Variants in CNTN1 observed in about 807,000 individuals in gnomAD.
CNTN1 encodes the protein contactin-1.
In CNTN1, 38 loss-of-function variants were observed where a neutral mutation model predicts 126.4. The ratio of observed to expected loss-of-function variants is 0.30; its 90% CI spans 0.23 to 0.39. The LOEUF (loss-of-function observed/expected upper bound fraction) is 0.39. Ranked by LOEUF, CNTN1 falls within the 10% of genes least tolerant of loss-of-function variation. The pLI, the probability that CNTN1 is intolerant of heterozygous loss-of-function variation, is 1.00. For missense variants in CNTN1, 1,009 were observed against 1,248.4 expected, an observed-to-expected ratio of 0.81 and a Z score of 2.89; for synonymous variants, 413 against 422.6, an observed-to-expected ratio of 0.98 and a Z score of 0.28.
intron 1 of CNTN1, among the ~76,000 whole-genome samples, chr12:40,845,988 A>G (rs1011614625): frequency 6.6e-6 from 1 of 152,264 alleles, no homozygotes; most frequent in Non-Finnish European, 1.5e-5. Flanking sequence ...TGTGAATTAC[A>G]TAGTGACTTT....
chr12:40,906,679 G>GTTTTTTTTTTTTTT (rs1294983594), intron 1 of CNTN1, among the ~76,000 whole-genome samples: 2 of 116,116 alleles, frequency 1.7e-5, no homozygotes, highest in African/African-American at 3.3e-5. Context: ...CTTTTTTTTT[G>GTTTTTTTTTTTTTT]TTTTGTTTTT....
At chr12:40,693,734 G>A (rs1326303153) in intron 1 of CNTN1, among the ~76,000 whole-genome samples, 2 of 152,186 alleles carry the variant, frequency 1.3e-5, no homozygotes, top group South Asian at 2.1e-4. Flanking sequence ...CCCTGCTGCT[G>A]AGCCGGCTGC....
Position 40,719,036 on chromosome 12 carries a change from C to T in CNTN1, c.-77+26444C>T, listed in dbSNP as rs554560708. On this transcript the variant is annotated intron_variant, in intron 1 of 23. Transcript: ENST00000551295. ...TTTAACAGAGGCTATTTGAGATCAG[C>T]ATTATTTGGTTACCTGCATGTTATT... Among the ~76,000 whole-genome samples the T allele has an allele frequency of 8.5e-5, 13 of 152,084 alleles. No homozygotes were observed. The South Asian group carries it at 2.3e-3, about 27-fold the overall frequency.
At chr12:40,839,580 T>C (rs1248755943) in intron 1 of CNTN1, among the ~76,000 whole-genome samples, 1 of 152,180 alleles carries the variant, frequency 6.6e-6, no homozygotes, top group Non-Finnish European at 1.5e-5. Flanking sequence ...AAAAGCAGAT[T>C]TGTCAGTTGA....
At chr12:40,738,478 G>A (rs907210244) in intron 1 of CNTN1, among the ~76,000 whole-genome samples, 2 of 152,026 alleles carry the variant, frequency 1.3e-5, no homozygotes, top group Non-Finnish European at 2.9e-5. Flanking sequence ...ATTACAGAAA[G>A]CAAAAGGGAA....
intron 1 of CNTN1, among the ~76,000 whole-genome samples, chr12:40,771,412 T>C (rs1445911565): frequency 6.6e-6 from 1 of 152,080 alleles, no homozygotes; most frequent in African/African-American, 2.4e-5. Flanking sequence ...ATAAAGTCAA[T>C]GTCTAGTGTT....
In CNTN1 at chr12:41,007,047, T is replaced by G. The variant is rs1189050332; in HGVS notation, c.2114-7181T>G. 4.7e-4 allele frequency among the ~76,000 whole-genome samples: 6 copies of G among 12,644 alleles called. No individual in the cohort carries two copies. In the East Asian group the frequency reaches 6.2e-3, roughly 13 times the overall value. The allele number at this position is 12,644 out of a possible 152,430, so 8.3% of individuals were successfully genotyped here. On this transcript the variant is annotated intron_variant, in intron 17 of 23. Coordinates refer to ENST00000551295, the MANE Select transcript of CNTN1 (RefSeq NM_001843.4). Reference sequence around the variant, plus strand: ...GCAGTTAAAAGCAGTTTTGTGTGGTTTTTTTTTTTTTTTTTTTTTTTTTTT... The same window carrying G: ...GCAGTTAAAAGCAGTTTTGTGTGGTGTTTTTTTTTTTTTTTTTTTTTTTTT...
chr12:41,005,604 T>C (rs73116975), intron 17 of CNTN1, among the ~76,000 whole-genome samples: 9,358 of 152,170 alleles, frequency 0.061, 498 homozygotes, highest in Admixed American at 0.16. Flanking sequence ...ATTTTTTGAA[T>C]TTTTTTCATT....
chr12:40,961,609 G>A (rs1947108444), intron 15 of CNTN1, among the ~76,000 whole-genome samples: 1 of 151,750 alleles, frequency 6.6e-6, no homozygotes, highest in Non-Finnish European at 1.5e-5. Flanking sequence ...AAAATTCTAC[G>A]TGTATGTACA....
At chr12:40,771,530 CCTGA>C (rs926813273) in intron 1 of CNTN1, among the ~76,000 whole-genome samples, 7 of 151,948 alleles carry the variant, frequency 4.6e-5, no homozygotes, top group Non-Finnish European at 1.0e-4. Context: ...ACAGAGGAAA[CCTGA>C]CTATTTATCT....
intron 1 of CNTN1, among the ~76,000 whole-genome samples, chr12:40,734,005 A>G (rs1263738060): frequency 1.3e-5 from 2 of 152,088 alleles, no homozygotes; most frequent in East Asian, 1.9e-4. Context: ...TGACATTTCC[A>G]TTAAACTGTA....
At chr12:40,748,138 C>G (rs1050224579) in intron 1 of CNTN1, among the ~76,000 whole-genome samples, 1 of 151,954 alleles carries the variant, frequency 6.6e-6, no homozygotes, top group African/African-American at 2.4e-5. Context: ...AGAGTGCACA[C>G]AAGAAGACTT....
chr12:40,924,551 A>G lies in CNTN1; in HGVS notation c.401-6A>G, dbSNP rs146099643. On this transcript the variant is annotated splice_polypyrimidine_tract_variant and splice_region_variant and intron_variant, in intron 5 of 23. Coordinates refer to ENST00000551295, the MANE Select transcript of CNTN1 (RefSeq NM_001843.4). ...GAATGTTTCTCTTTTTTTCTTTCGTAATTAGATCTTGATCCTTTCCCACCT... is the reference window on the plus strand; with the variant it reads ...GAATGTTTCTCTTTTTTTCTTTCGTGATTAGATCTTGATCCTTTCCCACCT... 1.4e-5 allele frequency: 20 copies of G among 1,481,088 alleles called. No homozygotes were observed. The African/African-American group carries it at 2.6e-4, about 19-fold the overall frequency. 91.7% of individuals were successfully genotyped at this position (1,481,088 alleles called of 1,614,324 possible). A position where few individuals can be genotyped will look rare whatever the true frequency, so the allele number is the denominator to read the frequency against.
At chr12:40,752,294 C>A (rs1938433753) in intron 1 of CNTN1, among the ~76,000 whole-genome samples, 1 of 152,044 alleles carries the variant, frequency 6.6e-6, no homozygotes, top group Admixed American at 6.6e-5. Flanking sequence ...TTCAGAACTA[C>A]AACGTGTGTA....
At chr12:41,002,554 C>CTTTTTTTTTTTT in intron 17 of CNTN1, among the ~76,000 whole-genome samples, 1 of 131,514 alleles carries the variant, frequency 7.6e-6, no homozygotes, top group Non-Finnish European at 1.6e-5. Context: ...TATAGGGTTT[C>CTTTTTTTTTTTT]TTTCTTTTTT....
chr12:41,026,490 G>T (rs1411508746), intron 21 of CNTN1, among the ~76,000 whole-genome samples: 1 of 152,206 alleles, frequency 6.6e-6, no homozygotes, highest in Non-Finnish European at 1.5e-5. Context: ...GCTATGATTT[G>T]AGTGATAAAT....
At chr12:40,896,547 C>T (rs1416953421) in intron 1 of CNTN1, among the ~76,000 whole-genome samples, 1 of 152,190 alleles carries the variant, frequency 6.6e-6, no homozygotes, top group Non-Finnish European at 1.5e-5. Flanking sequence ...ATGCTATGAA[C>T]ATAGGCTCAG....
chr12:41,065,156 C>T (rs988672679), intron 23 of CNTN1, among the ~76,000 whole-genome samples: 6 of 152,120 alleles, frequency 3.9e-5, no homozygotes, highest in African/African-American at 4.8e-5. Flanking sequence ...CCCGGGTTCA[C>T]GCCATTCTCC....
At chr12:40,871,457 G>A (rs34870140) in intron 1 of CNTN1, among the ~76,000 whole-genome samples, 34,191 of 152,012 alleles carry the variant, frequency 0.22, 5,520 homozygotes, top group African/African-American at 0.46. Flanking sequence ...GACTACAGTA[G>A]TAGTGGAAAT....
Sources: allele counts gnomAD v4.1 joint callset (sites outside exome capture counted in the v4.1 genomes callset), GRCh38; gene constraint gnomAD v4.1.1; transcripts MANE v1.5; gene names NCBI Gene and HGNC (gene_info 2026-07-23, HGNC 2026-07-21).